Variants in FBN2 observed in about 807,000 individuals in gnomAD.
FBN2 encodes fibrillin-2.
Under a neutral mutation model 355.6 loss-of-function variants are expected in FBN2, and 105 were observed. The observed-to-expected ratio is 0.30, with a 90% CI of 0.25 to 0.35. The LOEUF is 0.35. Ranked by LOEUF, FBN2 falls within the 10% of genes least tolerant of loss-of-function variation. The probability of loss-of-function intolerance (pLI) is 1.00; values close to 1 mark genes in which losing one functional copy is unlikely to be tolerated. For missense variants in FBN2, 3,280 were observed against 3,758.7 expected (o/e 0.87, Z 3.33); for synonymous variants, 1,350 against 1,301.2 (o/e 1.04, Z -0.81).
chr5:128,456,021 A>AAAAAAAAAAAAAAAC (rs1182047917), intron 6 of FBN2, among the ~76,000 whole-genome samples: 1 of 148,968 alleles, frequency 6.7e-6, no homozygotes, highest in African/African-American at 2.5e-5. Flanking sequence ...AAAAAAAAAA[A>AAAAAAAAAAAAAAAC]AAGCAACTGC....
rs528066319 is a variant in FBN2 at position 128,325,797 on chromosome 5, T to C, written c.4471+2899A>G. 1.9e-4 allele frequency among the ~76,000 whole-genome samples: 29 copies of C among 152,286 alleles called. No individual in the cohort carries two copies. In the South Asian group the frequency reaches 5.6e-3, roughly 29 times the overall value. ...GTTATTATCTCAGGCCCTTTCTCTATGCTAGCAATTACATTTTCATCTGTA... is the reference window on the plus strand; with the variant it reads ...GTTATTATCTCAGGCCCTTTCTCTACGCTAGCAATTACATTTTCATCTGTA... On this transcript the variant is annotated intron_variant, in intron 34 of 64. Transcript: ENST00000262464.
intron 6 of FBN2, among the ~76,000 whole-genome samples, chr5:128,451,418 A>G (rs1375080037): frequency 1.3e-5 from 2 of 152,254 alleles, no homozygotes; most frequent in East Asian, 3.9e-4. Context: ...TTGAGAAATT[A>G]TTATTATACT....
intron 7 of FBN2, among the ~76,000 whole-genome samples, chr5:128,415,826 TAA>T (rs1398225446): frequency 2.0e-5 from 3 of 152,198 alleles, no homozygotes; most frequent in Non-Finnish European, 4.4e-5. Context: ...CAACAGTGTA[TAA>T]GAGTTCCCTT....
chr5:128,401,436 T>C (rs558350658), intron 8 of FBN2, among the ~76,000 whole-genome samples: 1 of 152,338 alleles, frequency 6.6e-6, no homozygotes, highest in East Asian at 1.9e-4. Flanking sequence ...ATTATCATAA[T>C]GTGAGGATCT....
rs70997371 is a variant in FBN2 at position 128,455,990 on chromosome 5, C to CAAAAAAAAAAAAAAAAAAAAAAAA, written c.826+8710_826+8733dup. ...GAGCTCCTTGGGGGAGGGTTAGCAA[C>CAAAAAAAAAAAAAAAAAAAAAAAA]AAAAAAAAAAAAAAAAAAAAAAAAA... On this transcript the variant is annotated intron_variant, in intron 6 of 64. Transcript: ENST00000262464. 6.3e-4 allele frequency among the ~76,000 whole-genome samples: 16 copies of CAAAAAAAAAAAAAAAAAAAAAAAA among 25,276 alleles called. 6 individuals are homozygous for CAAAAAAAAAAAAAAAAAAAAAAAA. The highest frequency in any genetic ancestry group is 4.2e-3 in the East Asian group (2 of 474). 16.6% of individuals were successfully genotyped at this position (25,276 alleles called of 152,430 possible).
At chr5:128,349,814 A>G in intron 22 of FBN2, 141 bp downstream of exon 22, 2 of 735,008 alleles carry the variant, frequency 2.7e-6, no homozygotes, top group South Asian at 3.2e-5. Flanking sequence ...ATGCTAAAGC[A>G]TTTGTTGATT....
chr5:128,398,994 T>C (rs1339665056), intron 8 of FBN2, among the ~76,000 whole-genome samples: 3 of 152,186 alleles, frequency 2.0e-5, no homozygotes, highest in Non-Finnish European at 4.4e-5. Flanking sequence ...CTTCTGTAAA[T>C]TGCCCAGTCT....
At chr5:128,441,770 G>A (rs331078) in intron 7 of FBN2, among the ~76,000 whole-genome samples, 95,302 of 151,958 alleles carry the variant, frequency 0.63, 32,110 homozygotes, top group African/African-American at 0.88. Flanking sequence ...TTTCTTATTC[G>A]AGAGAGAGGG....
At chr5:128,331,007 A>G (rs1750676877) in intron 32 of FBN2, among the ~76,000 whole-genome samples, 1 of 152,350 alleles carries the variant, frequency 6.6e-6, no homozygotes, top group Non-Finnish European at 1.5e-5. Flanking sequence ...TGGTTTCCTT[A>G]TCAGTAGAAG....
At chr5:128,314,474 C>T (rs772639919) in intron 36 of FBN2, among the ~76,000 whole-genome samples, 7 of 152,074 alleles carry the variant, frequency 4.6e-5, no homozygotes, top group South Asian at 2.1e-4. Flanking sequence ...CCTGCCACCA[C>T]GCGCAGTTAA....
At chr5:128,339,732 T>A (rs1750948157) in intron 25 of FBN2, among the ~76,000 whole-genome samples, 1 of 152,190 alleles carries the variant, frequency 6.6e-6, no homozygotes, top group African/African-American at 2.4e-5. Flanking sequence ...AGTGCTGGTC[T>A]ACTACACTAG....
At chr5:128,407,376 C>A (rs1055238487) in intron 8 of FBN2, among the ~76,000 whole-genome samples, 1 of 152,268 alleles carries the variant, frequency 6.6e-6, no homozygotes, top group African/African-American at 2.4e-5. Context: ...ATATCCTCCT[C>A]CTCCTCTTAA....
chr5:128,462,127 A>T (rs1373603955), intron 6 of FBN2, among the ~76,000 whole-genome samples: 2 of 152,166 alleles, frequency 1.3e-5, no homozygotes, highest in African/African-American at 4.8e-5. Flanking sequence ...CAGCTACAGG[A>T]TATCATTATC....
rs559918673 is a variant in FBN2 at position 128,515,796 on chromosome 5, A to T, written c.628+3477T>A. On this transcript the variant is annotated intron_variant, in intron 5 of 64. Coordinates refer to ENST00000262464, the MANE Select transcript of FBN2 (RefSeq NM_001999.4). ...CTAGTCCCTTTTTCCTTTAAGTTGT[A>T]CTAAAAAAATGTACATTTTAAAGGA... 1.1e-3 allele frequency among the ~76,000 whole-genome samples: 162 copies of T among 152,284 alleles called. 2 individuals carry two copies. The highest frequency in any genetic ancestry group is 1.0e-3 in the Non-Finnish European group (69 of 68,018).
At chr5:128,376,493 ATC>A (rs1190371446) in intron 14 of FBN2, among the ~76,000 whole-genome samples, 2 of 152,216 alleles carry the variant, frequency 1.3e-5, no homozygotes, top group African/African-American at 4.8e-5. Context: ...GCTAAAACCA[ATC>A]TGTCAGTTCC....
At chr5:128,440,808 C>T (rs193092564) in intron 7 of FBN2, among the ~76,000 whole-genome samples, 66 of 152,248 alleles carry the variant, frequency 4.3e-4, no homozygotes, top group Admixed American at 2.0e-3. Flanking sequence ...TAACAAAAAT[C>T]CCTTAACTGA....
chr5:128,299,219 A>C (rs1229851219), intron 48 of FBN2, among the ~76,000 whole-genome samples: 1 of 151,326 alleles, frequency 6.6e-6, no homozygotes, highest in Non-Finnish European at 1.5e-5. Flanking sequence ...TGCTGGGAGA[A>C]CCACTGCTCT....
At chr5:128,510,194 T>C (rs921871585) in intron 5 of FBN2, among the ~76,000 whole-genome samples, 1 of 152,080 alleles carries the variant, frequency 6.6e-6, no homozygotes, top group African/African-American at 2.4e-5. Context: ...TGGGCCACAC[T>C]GGAAGAAGAA....
intron 5 of FBN2, among the ~76,000 whole-genome samples, chr5:128,508,106 T>C (rs1756013342): frequency 6.6e-6 from 1 of 152,104 alleles, no homozygotes; most frequent in Non-Finnish European, 1.5e-5. Context: ...ATTTGATTAC[T>C]ATTAGCCAAT....
Sources: allele counts gnomAD v4.1 joint callset (sites outside exome capture counted in the v4.1 genomes callset), GRCh38; gene constraint gnomAD v4.1.1; transcripts MANE v1.5; gene names NCBI Gene and HGNC (gene_info 2026-07-23, HGNC 2026-07-21).